GSE1: variants seen among roughly 807,000 people sequenced by gnomAD.
GSE1 encodes Gse1 coiled-coil protein.
Under a neutral mutation model 112.6 loss-of-function variants are expected in GSE1, and 32 were observed. The ratio of observed to expected loss-of-function variants is 0.28; its 90% confidence interval spans 0.21 to 0.38. The LOEUF (loss-of-function observed/expected upper bound fraction) is 0.38, where lower values mean the gene tolerates loss of function less well. GSE1 is among the 10% of genes least tolerant of loss of function. The pLI, the probability that GSE1 is intolerant of heterozygous loss-of-function variation, is 1.00. For synonymous variants in GSE1, 1,115 were observed against 735.6 expected (o/e 1.52, Z -8.35); for missense variants, 2,348 against 1,699.2 (o/e 1.38, Z -6.71).
intron 2 of GSE1, among the ~76,000 whole-genome samples, chr16:85,496,332 C>T (rs1325592423): frequency 6.7e-6 from 1 of 148,622 alleles, no homozygotes; most frequent in Non-Finnish European, 1.5e-5. Flanking sequence ...GCTGCGTGAG[C>T]GATGGCGTTT....
chr16:85,669,220 C>T (rs866437077), intron 14 of GSE1, among the ~76,000 whole-genome samples: 1 of 152,256 alleles, frequency 6.6e-6, no homozygotes, highest in African/African-American at 2.4e-5. Context: ...ATCCTTACTG[C>T]GTGGGCACTG....
chr16:85,441,809 C>T (rs1228543423), intron 2 of GSE1, among the ~76,000 whole-genome samples: 1 of 152,314 alleles, frequency 6.6e-6, no homozygotes, highest in East Asian at 1.9e-4. Flanking sequence ...CCTGCCTCCC[C>T]TCTAACCCCT....
intron 3 of GSE1, among the ~76,000 whole-genome samples, chr16:85,649,747 T>C (rs1390110180): frequency 6.6e-6 from 1 of 152,176 alleles, no homozygotes; most frequent in Non-Finnish European, 1.5e-5. Flanking sequence ...ACAGCCCCAC[T>C]TGGAAATACT....
At chr16:85,340,236 G>C (rs1397553653) in intron 1 of GSE1, among the ~76,000 whole-genome samples, 4 of 152,192 alleles carry the variant, frequency 2.6e-5, no homozygotes, top group Non-Finnish European at 5.9e-5. Context: ...TGTGGTCCCA[G>C]TTACCTGGGA....
intron 2 of GSE1, among the ~76,000 whole-genome samples, chr16:85,462,919 G>C (rs2050014101): frequency 1.3e-5 from 2 of 151,168 alleles, no homozygotes; most frequent in Non-Finnish European, 3.0e-5. Context: ...CGGCTGCTCC[G>C]TGCCGCCCCG....
chr16:85,555,671 C>A, upstream of GSE1: 2 of 911,054 alleles, frequency 2.2e-6, no homozygotes, highest in Non-Finnish European at 2.6e-6. Context: ...TACCCCCTCC[C>A]GCCGCCCCCC....
At chr16:85,232,110 C>T (rs554378373) in intron 1 of GSE1, among the ~76,000 whole-genome samples, 4 of 152,328 alleles carry the variant, frequency 2.6e-5, no homozygotes, top group Admixed American at 6.5e-5. Flanking sequence ...GGCAGGCAGA[C>T]CAGAAGCAAG....
At chr16:85,173,695 G>A (rs761685070) in intron 1 of GSE1, among the ~76,000 whole-genome samples, 7 of 152,196 alleles carry the variant, frequency 4.6e-5, no homozygotes, top group South Asian at 2.1e-4. Context: ...ATTTGCTCAC[G>A]TGTCAGGAGT....
At chr16:85,259,356 G>A (rs958673024) in intron 1 of GSE1, among the ~76,000 whole-genome samples, 2 of 151,992 alleles carry the variant, frequency 1.3e-5, no homozygotes, top group Non-Finnish European at 2.9e-5. Context: ...CCTTCCCTCC[G>A]TGCTCCACCC....
At chr16:85,526,067 G>GT (rs890409154) in intron 2 of GSE1, among the ~76,000 whole-genome samples, 6 of 152,312 alleles carry the variant, frequency 3.9e-5, no homozygotes, top group Admixed American at 2.6e-4. Context: ...TGGCTCCTGG[G>GT]TGCAGACAGT....
intron 2 of GSE1, among the ~76,000 whole-genome samples, chr16:85,384,374 C>T (rs1051738712): frequency 3.9e-5 from 6 of 152,240 alleles, no homozygotes; most frequent in Non-Finnish European, 1.5e-5. Context: ...TTCCTCCCAC[C>T]TCTGCTGTTT....
intron 1 of GSE1, among the ~76,000 whole-genome samples, chr16:85,633,013 T>TGCCACC (rs1555552290): frequency 2.1e-5 from 3 of 146,102 alleles, no homozygotes; most frequent in Non-Finnish European, 3.0e-5. Context: ...AGACCTCTGG[T>TGCCACC]GCCGCCGCCG....
chr16:85,418,272 A>C (rs2048749156), intron 2 of GSE1, among the ~76,000 whole-genome samples: 1 of 152,248 alleles, frequency 6.6e-6, no homozygotes, highest in South Asian at 2.1e-4. Flanking sequence ...TGAAGCCAGT[A>C]ACATGCAAAG....
At chr16:85,250,243 A>G (rs1906318585) in intron 1 of GSE1, among the ~76,000 whole-genome samples, 2 of 152,172 alleles carry the variant, frequency 1.3e-5, no homozygotes, top group Admixed American at 1.3e-4. Flanking sequence ...ATGGGCTTGG[A>G]CTTTTCCAGG....
At chr16:85,371,304 C>T (rs1392561430) in intron 2 of GSE1, among the ~76,000 whole-genome samples, 1 of 152,240 alleles carries the variant, frequency 6.6e-6, no homozygotes, top group Non-Finnish European at 1.5e-5. Context: ...TGGCCCCACG[C>T]AGCGCCATGG....
intron 1 of GSE1, among the ~76,000 whole-genome samples, chr16:85,630,678 C>A (rs1240338495): frequency 1.3e-5 from 2 of 152,190 alleles, no homozygotes; most frequent in African/African-American, 2.4e-5. Flanking sequence ...GCACATGTGA[C>A]CATTCACGCC....
chr16:85,634,919 C>T (rs1026588943), intron 2 of GSE1, among the ~76,000 whole-genome samples: 3 of 152,056 alleles, frequency 2.0e-5, no homozygotes, highest in African/African-American at 7.3e-5. Context: ...TGGATTCTGG[C>T]CTCGGACACC....
At chr16:85,620,982 G>A (rs537228621) in intron 1 of GSE1, among the ~76,000 whole-genome samples, 4 of 149,714 alleles carry the variant, frequency 2.7e-5, no homozygotes, top group South Asian at 2.1e-4. Context: ...AGATGGTCTC[G>A]GCCCGGGGTC....
In GSE1 at chr16:85,638,778, C is replaced by T. The variant is rs373460682; in HGVS notation, c.226+4646C>T. Among the ~76,000 whole-genome samples the T allele has an allele frequency of 2.6e-5, 4 of 151,940 alleles. No homozygotes were observed. In the South Asian group the frequency reaches 6.2e-4, roughly 24 times the overall value. On this transcript the variant is annotated intron_variant, in intron 2 of 15. Transcript: ENST00000253458. ...ACTGCCACCCCTTCCCCTGACTCCC[C>T]GTCCTACCCCTGTGACCCCCATCAT...
Sources: allele counts gnomAD v4.1 joint callset (sites outside exome capture counted in the v4.1 genomes callset), GRCh38; gene constraint gnomAD v4.1.1; transcripts MANE v1.5; gene names NCBI Gene and HGNC (gene_info 2026-07-23, HGNC 2026-07-21).